Variants in GLRA3 observed in about 807,000 individuals in gnomAD.
GLRA3 encodes the protein glycine receptor subunit alpha-3.
GLRA3 carries 44 observed loss-of-function variants against 60.4 expected under a neutral mutation model. The ratio of observed to expected loss-of-function variants is 0.73; its 90% CI spans 0.57 to 0.94. The LOEUF (loss-of-function observed/expected upper bound fraction) is 0.94, where lower values mean the gene tolerates loss of function less well. Among genes scored for constraint, GLRA3 ranks in the 40% least tolerant of loss-of-function variants. GLRA3 has a pLI of 0.00. For missense variants in GLRA3, 508 were observed against 564.6 expected, an observed-to-expected ratio of 0.90 and a Z score of 1.02; for synonymous variants, 223 against 192.9, an observed-to-expected ratio of 1.16 and a Z score of -1.29.
intron 4 of GLRA3, among the ~76,000 whole-genome samples, chr4:174,718,170 T>G (rs1476824589): frequency 1.3e-5 from 2 of 152,224 alleles, no homozygotes; most frequent in Non-Finnish European, 2.9e-5. Flanking sequence ...TACAATACAA[T>G]TGCTCCTTTC....
At position 174,788,910 on chromosome 4, in the gene GLRA3, T is replaced by A. The variant is rs372233829; in HGVS notation, c.105A>T (p.Arg35Ser). 3.7e-6 allele frequency: 6 copies of A among 1,605,312 alleles called. No individual in the cohort carries two copies. The Middle Eastern group carries it at 4.9e-4, about 132-fold the overall frequency. ...LVATKETDSA[R>S]SRSAPMSPSD... ...AAGGTGACATTGGAGCACTTCGAGA[T>A]CTTGCACTGTCTGTTTCCTTTGTGG... Residue 35 changes from arginine to serine, a missense_variant, in exon 2 of 10, where the codon AGA becomes AGT. This residue lies in a region of GLRA3 where 329 missense variants were observed against 349.3 expected (regional missense o/e 0.94). Coordinates refer to ENST00000274093, the MANE Select transcript of GLRA3 (RefSeq NM_006529.4).
chr4:174,714,149 T>A (rs1451423480), intron 5 of GLRA3, among the ~76,000 whole-genome samples: 1 of 152,220 alleles, frequency 6.6e-6, no homozygotes, highest in Admixed American at 6.5e-5. Flanking sequence ...TTGGTTCATT[T>A]AACTAAAATA....
intron 1 of GLRA3, among the ~76,000 whole-genome samples, chr4:174,793,423 C>T (rs2130934): frequency 0.5 from 60,099 of 120,066 alleles, 12,922 homozygotes; most frequent in Middle Eastern, 0.58. Context: ...AATTTACATT[C>T]ATTTATTTAT....
At chr4:174,814,403 C>A (rs1050113943) in intron 1 of GLRA3, among the ~76,000 whole-genome samples, 2 of 152,160 alleles carry the variant, frequency 1.3e-5, no homozygotes, top group African/African-American at 4.8e-5. Flanking sequence ...ACTGTCCAAG[C>A]AGTCCCTCTG....
intron 1 of GLRA3, among the ~76,000 whole-genome samples, chr4:174,808,758 G>A (rs1305412609): frequency 6.6e-6 from 1 of 151,720 alleles, no homozygotes; most frequent in African/African-American, 2.4e-5. Flanking sequence ...GCTAATGTGT[G>A]TGCTTGTGTC....
chr4:174,743,177 A>G (rs749565200), intron 3 of GLRA3, among the ~76,000 whole-genome samples: 1 of 152,294 alleles, frequency 6.6e-6, no homozygotes, highest in Non-Finnish European at 1.5e-5. Flanking sequence ...TAGTTTTTGA[A>G]ACCTAAAAAT....
Position 174,751,660 on chromosome 4 carries a change from G to A in GLRA3, c.267+15303C>T, listed in dbSNP as rs187544438. Among the ~76,000 whole-genome samples, 40 of 152,142 alleles carry A rather than the reference G, an allele frequency of 2.6e-4. No individual in the cohort carries two copies. The East Asian group carries it at 4.4e-3, about 17-fold the overall frequency. On this transcript the variant is annotated intron_variant, in intron 3 of 9. Transcript: ENST00000274093. ...CATTATATGACAGCATTGCTGTTACGTAGCCCACTGAGTAATGAGTACAGA... is the reference window on the plus strand; with the variant it reads ...CATTATATGACAGCATTGCTGTTACATAGCCCACTGAGTAATGAGTACAGA...
chr4:174,795,594 C>G (rs1305194131), intron 1 of GLRA3, among the ~76,000 whole-genome samples: 1 of 152,078 alleles, frequency 6.6e-6, no homozygotes, highest in African/African-American at 2.4e-5. Context: ...GAAAAGTTTA[C>G]TACTAATAAA....
chr4:174,776,856 G>GT (rs1199808427), intron 2 of GLRA3, among the ~76,000 whole-genome samples: 2 of 152,114 alleles, frequency 1.3e-5, no homozygotes. Flanking sequence ...TCGCATTCAA[G>GT]GAAAATGGTT....
chr4:174,683,353 G>A (rs1293844706), intron 5 of GLRA3, among the ~76,000 whole-genome samples: 1 of 151,640 alleles, frequency 6.6e-6, no homozygotes, highest in African/African-American at 2.4e-5. Context: ...GTTAGAAAAT[G>A]ACTTTTTTTT....
At chr4:174,652,692 T>C (rs1369220706) in intron 9 of GLRA3, among the ~76,000 whole-genome samples, 4 of 152,118 alleles carry the variant, frequency 2.6e-5, no homozygotes, top group African/African-American at 9.6e-5. Context: ...AAAATGCAAG[T>C]TATAGCTAGA....
At chr4:174,701,383 C>A (rs902457014) in intron 5 of GLRA3, among the ~76,000 whole-genome samples, 1 of 152,144 alleles carries the variant, frequency 6.6e-6, no homozygotes, top group Non-Finnish European at 1.5e-5. Context: ...ATAAAAGATT[C>A]CTTTCAAAAT....
chr4:174,809,515 T>TTGA (rs1740179414), intron 1 of GLRA3, among the ~76,000 whole-genome samples: 1 of 152,112 alleles, frequency 6.6e-6, no homozygotes, highest in African/African-American at 2.4e-5. Context: ...GGTGGATCAC[T>TTGA]GAAGGTCAGG....
chr4:174,787,457 C>G (rs965827799), intron 2 of GLRA3, among the ~76,000 whole-genome samples: 1 of 151,974 alleles, frequency 6.6e-6, no homozygotes, highest in Admixed American at 6.6e-5. Flanking sequence ...TGGAAAAGAT[C>G]ATTATAATAC....
At chr4:174,734,298 A>G (rs1185665872) in intron 3 of GLRA3, among the ~76,000 whole-genome samples, 1 of 152,218 alleles carries the variant, frequency 6.6e-6, no homozygotes, top group African/African-American at 2.4e-5. Context: ...CAGGAAGCAC[A>G]GAATACCGAC....
intron 5 of GLRA3, among the ~76,000 whole-genome samples, chr4:174,687,568 G>C (rs1734593988): frequency 6.6e-6 from 1 of 152,188 alleles, no homozygotes; most frequent in African/African-American, 2.4e-5. Flanking sequence ...GATGAAGGAA[G>C]TGAACTTATC....
At chr4:174,671,433 C>T (rs1733904070) in intron 7 of GLRA3, among the ~76,000 whole-genome samples, 1 of 151,992 alleles carries the variant, frequency 6.6e-6, no homozygotes, top group African/African-American at 2.4e-5. Context: ...TAGCTATGAA[C>T]ACAACAGTGA....
At chr4:174,695,543 T>C (rs1162737384) in intron 5 of GLRA3, among the ~76,000 whole-genome samples, 2 of 152,094 alleles carry the variant, frequency 1.3e-5, no homozygotes, top group Admixed American at 6.5e-5. Context: ...CAACACCCTT[T>C]CATGTTAAAA....
At chr4:174,760,814 T>G (rs1579564617) in intron 3 of GLRA3, among the ~76,000 whole-genome samples, 1 of 152,132 alleles carries the variant, frequency 6.6e-6, no homozygotes, top group African/African-American at 2.4e-5. Context: ...TTGAAAACAT[T>G]AGAAACAACC....
Sources: allele counts gnomAD v4.1 joint callset (sites outside exome capture counted in the v4.1 genomes callset), GRCh38; gene constraint gnomAD v4.1.1; regional missense constraint gnomAD v4.1.1; transcripts MANE v1.5; gene names NCBI Gene and HGNC (gene_info 2026-07-23, HGNC 2026-07-21).